The following F2R variants were observed in gnomAD, a reference collection of about 807,000 sequenced individuals.
F2R encodes coagulation factor II thrombin receptor.
In F2R, 12 loss-of-function variants were observed where a neutral mutation model predicts 18.3. The ratio of observed to expected loss-of-function variants is 0.66; its 90% CI spans 0.42 to 1.06. The LOEUF is 1.06. Ranked by LOEUF, F2R falls within the 50% of genes least tolerant of loss-of-function variation. F2R has a pLI of 0.00. For missense variants in F2R, 438 were observed against 530.8 expected (o/e 0.83, Z 1.72); for synonymous variants, 210 against 219.9 (o/e 0.95, Z 0.40).
intron 1 of F2R, among the ~76,000 whole-genome samples, chr5:76,719,793 C>A (rs1580888541): frequency 6.6e-6 from 1 of 152,278 alleles, no homozygotes; most frequent in East Asian, 1.9e-4. Context: ...AAAGTCTGTG[C>A]CCTATCGCCT....
chr5:76,717,007 G>A (rs1436452956), intron 1 of F2R, among the ~76,000 whole-genome samples: 12 of 152,188 alleles, frequency 7.9e-5, no homozygotes, highest in African/African-American at 2.4e-4. Context: ...GGTGGCGGGG[G>A]AGGGGACATG....
chr5:76,724,628 G>A (rs936728656), intron 1 of F2R, among the ~76,000 whole-genome samples: 7 of 152,020 alleles, frequency 4.6e-5, no homozygotes, highest in African/African-American at 1.2e-4. Flanking sequence ...GGCTGACTGC[G>A]TCTTCAACTC....
intron 1 of F2R, among the ~76,000 whole-genome samples, chr5:76,719,586 CT>C (rs1490182709): frequency 4.1e-4 from 54 of 131,240 alleles, no homozygotes; most frequent in African/African-American, 1.8e-3. Context: ...GAGACTCTCT[CT>C]CAAAAAAAAA....
chr5:76,732,859 T>C lies in F2R; in HGVS notation c.634T>C (p.Ser212Pro), dbSNP rs759556594. 1 of 1,614,186 alleles carries C rather than the reference T, an allele frequency of 6.2e-7. No individual in the cohort carries two copies. The highest frequency in any genetic ancestry group is 8.5e-7 in the Non-Finnish European group (1 of 1,180,026). ...TGTGGTGTATCCCATGCAGTCCCTC[T>C]CCTGGCGTACTCTGGGAAGGGCTTC... ...LAVVYPMQSL[S>P]WRTLGRASFT... Residue 212 changes from serine (S) to proline (P), a missense_variant, in exon 2 of 2, where the codon TCC becomes CCC. Coordinates refer to ENST00000319211, the MANE Select transcript of F2R (RefSeq NM_001992.5).
chr5:76,717,114 C>A (rs371057305), intron 1 of F2R, among the ~76,000 whole-genome samples: 25 of 152,318 alleles, frequency 1.6e-4, no homozygotes, highest in African/African-American at 5.5e-4. Flanking sequence ...ACTGTGGGAT[C>A]CCAGTATTTC....
chr5:76,732,577 CCA>C lies in F2R; in HGVS notation c.354_355del (p.Leu119LysfsTer39). Reference sequence around the variant, plus strand: ...CACCGGAGTGTTTGTAGTCAGCCTCCCACTAAACATCATGGCCATCGTTGTGT... The same window carrying C: ...CACCGGAGTGTTTGTAGTCAGCCTCCCTAAACATCATGGCCATCGTTGTGT... ...VYTGVFVVSL[P>X]LNIMAIVVFI... On this transcript the variant is annotated frameshift_variant, in exon 2 of 2. Coordinates refer to ENST00000319211, the MANE Select transcript of F2R (RefSeq NM_001992.5). LOFTEE classifies it high-confidence loss of function. 6.2e-7 allele frequency: 1 copy of C among 1,614,148 alleles called. No homozygotes were observed. The highest frequency in any genetic ancestry group is 1.3e-5 in the African/African-American group (1 of 75,018).
At chr5:76,722,447 A>T (rs1748479279) in intron 1 of F2R, among the ~76,000 whole-genome samples, 1 of 152,204 alleles carries the variant, frequency 6.6e-6, no homozygotes, top group Non-Finnish European at 1.5e-5. Context: ...GGCTGCTCCA[A>T]GCAAGAGCCC....
At chr5:76,718,648 A>C (rs1475272608) in intron 1 of F2R, among the ~76,000 whole-genome samples, 2 of 152,238 alleles carry the variant, frequency 1.3e-5, no homozygotes, top group African/African-American at 4.8e-5. Context: ...ATTTATCCCC[A>C]TGGTGACTAA....
rs949185062 is a variant in F2R at position 76,734,826 on chromosome 5, C to T, written c.*1323C>T. The T allele has an allele frequency of 2.0e-5, 3 of 152,290 alleles. No homozygotes were observed. The highest frequency in any genetic ancestry group is 4.4e-5 in the Non-Finnish European group (3 of 68,034). The allele number at this position is 152,290 out of a possible 1,614,324, so 9.4% of individuals were successfully genotyped here. ...TTAATGAAAACAATGCAGTACAGGA[C>T]ATATATTTTTTAAAATAAGTCTGAT... is the stretch of plus-strand genomic sequence containing the variant. On this transcript the variant is annotated 3_prime_UTR_variant, in exon 2 of 2. Transcript: ENST00000319211.
intron 1 of F2R, among the ~76,000 whole-genome samples, chr5:76,727,907 A>G (rs1236078348): frequency 3.6e-5 from 5 of 137,960 alleles, no homozygotes; most frequent in African/African-American, 1.4e-4. Context: ...TTTTTTTTAG[A>G]GACAGAGTCT....
At position 76,716,380 on chromosome 5, in the gene F2R, C is replaced by G; in HGVS notation, c.73C>G (p.Arg25Gly). Reference protein sequence around the residue: ...LCGPLLSARTRARRPESKATN... With the variant: ...LCGPLLSARTGARRPESKATN... Reference sequence around the variant, plus strand: ...CGGCCCGCTGTTGTCTGCCCGCACCCGGGCCCGCAGGCCAGGTGAGAGATG... The same window carrying G: ...CGGCCCGCTGTTGTCTGCCCGCACCGGGGCCCGCAGGCCAGGTGAGAGATG... The change falls in exon 1 of 2, where the codon CGG becomes GGG. Residue 25 changes from arginine to glycine, a missense_variant. Coordinates refer to ENST00000319211, the MANE Select transcript of F2R (RefSeq NM_001992.5). 7.6e-6 allele frequency: 11 copies of G among 1,453,988 alleles called. No individual in the cohort carries two copies. Among genetic ancestry groups the G allele is most frequent in the Non-Finnish European group, 9.9e-6 (11 of 1,107,280 alleles). 90.1% of individuals were successfully genotyped at this position (1,453,988 alleles called of 1,614,324 possible).
intron 1 of F2R, among the ~76,000 whole-genome samples, chr5:76,731,344 C>A (rs193161981): frequency 1.3e-5 from 2 of 151,952 alleles, no homozygotes; most frequent in African/African-American, 4.8e-5. Context: ...TCTGGTGGCA[C>A]GTGCCTGTAA....
At chr5:76,730,916 A>G (rs1748656001) in intron 1 of F2R, among the ~76,000 whole-genome samples, 1 of 152,220 alleles carries the variant, frequency 6.6e-6, no homozygotes, top group Non-Finnish European at 1.5e-5. Context: ...ATACAGATGA[A>G]CAGCCACATG....
chr5:76,730,988 G>T (rs1748657933), intron 1 of F2R, among the ~76,000 whole-genome samples: 3 of 152,200 alleles, frequency 2.0e-5, no homozygotes, highest in South Asian at 4.1e-4. Flanking sequence ...CCTCTCTTGG[G>T]CACTACCTTC....
chr5:76,732,822 C>T lies in F2R; in HGVS notation c.597C>T (p.Asp199=). The T allele has an allele frequency of 6.2e-7, 1 of 1,614,194 alleles. No homozygotes were observed. The highest frequency in any genetic ancestry group is 8.5e-7 in the Non-Finnish European group (1 of 1,180,042). Residue 199 remains aspartate (D), a synonymous_variant, in exon 2 of 2, where the codon GAC becomes GAT. Coordinates refer to ENST00000319211, the MANE Select transcript of F2R (RefSeq NM_001992.5). ...TGCTCATGACAGTCATAAGCATTGACCGGTTTCTGGCTGTGGTGTATCCCA... is the reference window on the plus strand; with the variant it reads ...TGCTCATGACAGTCATAAGCATTGATCGGTTTCTGGCTGTGGTGTATCCCA... The part of the protein sequence containing the change: ...SILLMTVISI[D]RFLAVVYPMQ...
rs1748355989 is a variant in F2R at position 76,716,861 on chromosome 5, G to A, written c.88+466G>A. On this transcript the variant is annotated intron_variant, in intron 1 of 1. Transcript: ENST00000319211. ...CTTGCACATTTTACAGGCGAGAAAA[G>A]TGATGTAGAGAAAAGCCCAGGCAGT... is the stretch of plus-strand genomic sequence containing the variant. 4 of 515,588 alleles carry A rather than the reference G, an allele frequency of 7.8e-6. No individual in the cohort carries two copies. In the South Asian group the frequency reaches 1.1e-4, roughly 14 times the overall value. 31.9% of individuals were successfully genotyped at this position (515,588 alleles called of 1,614,324 possible).
intron 1 of F2R, chr5:76,716,880 A>AG: frequency 7.9e-6 from 4 of 505,216 alleles, no homozygotes; most frequent in Non-Finnish European, 1.4e-5. Flanking sequence ...AGAAAAGCCC[A>AG]GGCAGTCCCT....
chr5:76,724,707 G>A (rs757559506), intron 1 of F2R, among the ~76,000 whole-genome samples: 3 of 152,136 alleles, frequency 2.0e-5, no homozygotes, highest in Non-Finnish European at 4.4e-5. Flanking sequence ...TCAAATTGGT[G>A]ATCAACATGT....
rs927348679 is a variant in F2R at position 76,720,953 on chromosome 5, C to T, written c.88+4558C>T. Among the ~76,000 whole-genome samples the T allele has an allele frequency of 3.9e-5, 6 of 152,204 alleles. No homozygotes were observed. The East Asian group carries it at 5.8e-4, about 15-fold the overall frequency. ...CTCCAGAGTAGCTGGGCTACAGGCA[C>T]CTGCCACCACGCCTGGCTAATTTTT... On this transcript the variant is annotated intron_variant, in intron 1 of 1. Coordinates refer to ENST00000319211, the MANE Select transcript of F2R (RefSeq NM_001992.5).
Sources: gnomAD v4.1 joint callset for allele counts (sites outside exome capture counted in the v4.1 genomes callset) on GRCh38, gnomAD v4.1.1 for gene constraint, MANE v1.5 for transcripts, NCBI Gene and HGNC (gene_info 2026-07-23, HGNC 2026-07-21) for gene names.